Variants in DRD3 observed in about 807,000 individuals in gnomAD.
DRD3 encodes dopamine receptor D3, also known as D(3) dopamine receptor.
Under a neutral mutation model 36.3 loss-of-function variants are expected in DRD3, and 19 were observed. The ratio of observed to expected loss-of-function variants is 0.52; its 90% CI spans 0.36 to 0.77. The LOEUF is 0.77. Ranked by LOEUF, DRD3 falls within the 30% of genes least tolerant of loss-of-function variation. DRD3 has a pLI of 0.00. For synonymous variants in DRD3, 195 were observed against 203.7 expected, an observed-to-expected ratio of 0.96 and a Z score of 0.36; for missense variants, 465 against 505.3, an observed-to-expected ratio of 0.92 and a Z score of 0.77.
At chr3:114,141,771 G>A (rs904905108) in intron 4 of DRD3, among the ~76,000 whole-genome samples, 1 of 152,140 alleles carries the variant, frequency 6.6e-6, no homozygotes, top group East Asian at 1.9e-4. Flanking sequence ...GCTTATAGGG[G>A]CCAGGCATGG....
At chr3:114,156,753 TTCTTTCTTTCTTTC>T (rs1559990953) in intron 3 of DRD3, among the ~76,000 whole-genome samples, 17 of 99,376 alleles carry the variant, frequency 1.7e-4, no homozygotes, top group Non-Finnish European at 2.4e-4. Context: ...TTTTCTTTCT[TTCTTTCTTTCTTTC>T]TTTCTTTCTT....
At chr3:114,141,745 C>A (rs902221705) in intron 4 of DRD3, among the ~76,000 whole-genome samples, 9 of 152,080 alleles carry the variant, frequency 5.9e-5, no homozygotes, top group African/African-American at 2.2e-4. Context: ...CCTATGTCAT[C>A]ATCCTTTAGA....
intron 1 of DRD3, among the ~76,000 whole-genome samples, chr3:114,188,024 C>T (rs1021062429): frequency 6.6e-6 from 1 of 152,042 alleles, no homozygotes. Flanking sequence ...AGCATCTCCC[C>T]TCTCCATATA....
intron 5 of DRD3, among the ~76,000 whole-genome samples, chr3:114,138,014 A>G: frequency 6.9e-6 from 1 of 145,624 alleles, no homozygotes; most frequent in African/African-American, 2.7e-5. Context: ...AAAAAAAAAA[A>G]AAAAATTAGC....
intron 5 of DRD3, among the ~76,000 whole-genome samples, chr3:114,134,604 G>A (rs1277397854): frequency 1.3e-5 from 2 of 151,634 alleles, no homozygotes; most frequent in Admixed American, 1.3e-4. Context: ...ATTTTTAATA[G>A]TGATGGGGTT....
At chr3:114,174,211 A>G (rs1045377236) in intron 1 of DRD3, among the ~76,000 whole-genome samples, 1 of 152,234 alleles carries the variant, frequency 6.6e-6, no homozygotes, top group Non-Finnish European at 1.5e-5. Context: ...TTGGAAAAAT[A>G]CAATGCTTTC....
At chr3:114,130,807 C>CTAAT in intron 6 of DRD3, among the ~76,000 whole-genome samples, 4 of 152,128 alleles carry the variant, frequency 2.6e-5, no homozygotes, top group African/African-American at 9.7e-5. Flanking sequence ...AATAACTAAG[C>CTAAT]ATTTGTTAAA....
intron 3 of DRD3, among the ~76,000 whole-genome samples, chr3:114,148,747 C>T (rs190762926): frequency 1.7e-3 from 255 of 152,296 alleles, no homozygotes; most frequent in African/African-American, 5.8e-3. Flanking sequence ...GAATCTCAGT[C>T]TGTCGCCCAG....
chr3:114,139,371 G>T (rs2077503263), intron 5 of DRD3, 129 bp downstream of exon 5: 1 of 906,004 alleles, frequency 1.1e-6, no homozygotes, highest in Non-Finnish European at 1.7e-6. Context: ...AAAATTAGCA[G>T]ATTCCAAAGT....
At chr3:114,155,835 A>T (rs1288861930) in intron 3 of DRD3, among the ~76,000 whole-genome samples, 3 of 151,708 alleles carry the variant, frequency 2.0e-5, no homozygotes, top group Non-Finnish European at 4.4e-5. Flanking sequence ...CACAAAGCGA[A>T]CCCTCTCCCA....
chr3:114,192,615 G>T (rs536244979), intron 1 of DRD3, among the ~76,000 whole-genome samples: 47 of 152,170 alleles, frequency 3.1e-4, no homozygotes, highest in African/African-American at 1.1e-3. Flanking sequence ...GCCTTCAATA[G>T]CTCATACAAC....
At chr3:114,181,619 T>G (rs2077948050), upstream of DRD3, among the ~76,000 whole-genome samples, 2 of 152,176 alleles carry the variant, frequency 1.3e-5, no homozygotes, top group Admixed American at 6.5e-5. Flanking sequence ...AAACTCCATC[T>G]CAATAGCATG....
At chr3:114,169,415 A>G (rs1360728653) in intron 2 of DRD3, among the ~76,000 whole-genome samples, 2 of 150,656 alleles carry the variant, frequency 1.3e-5, no homozygotes, top group Non-Finnish European at 3.0e-5. Flanking sequence ...CAGTGAGGAG[A>G]CGTCTCTGCT....
chr3:114,155,212 A>G (rs2077654447), intron 3 of DRD3, among the ~76,000 whole-genome samples: 1 of 152,194 alleles, frequency 6.6e-6, no homozygotes, highest in Admixed American at 6.5e-5. Context: ...TTGACCAGCT[A>G]TTTGTCATCA....
At position 114,131,289 on chromosome 3, in the gene DRD3, C is replaced by T; in HGVS notation, c.835G>A (p.Glu279Lys). The T allele has an allele frequency of 6.2e-7, 1 of 1,614,222 alleles. No individual in the cohort carries two copies. Among genetic ancestry groups the T allele is most frequent in the Non-Finnish European group, 8.5e-7 (1 of 1,180,046 alleles). Residue 279 changes from glutamate (E) to lysine (K), a missense_variant, in exon 6 of 7, where the codon GAG becomes AAG. Coordinates refer to ENST00000383673, the MANE Select transcript of DRD3 (RefSeq NM_000796.6). ...CTCAGGGAATTCCGAGTCTTCTCCTCTCTTTTCAACTCTCCTCCTCTTTCT... is the reference window on the plus strand; with the variant it reads ...CTCAGGGAATTCCGAGTCTTCTCCTTTCTTTTCAACTCTCCTCCTCTTTCT... ...FQERGGELKR[E>K]EKTRNSLSPT...
intron 6 of DRD3, among the ~76,000 whole-genome samples, chr3:114,130,686 G>A (rs1335969336): frequency 6.6e-6 from 1 of 152,044 alleles, no homozygotes; most frequent in East Asian, 1.9e-4. Context: ...GCCTCCCAAA[G>A]TGCTGGAATT....
chr3:114,161,634 G>A (rs1210103243), intron 2 of DRD3, among the ~76,000 whole-genome samples: 1 of 152,150 alleles, frequency 6.6e-6, no homozygotes, highest in East Asian at 1.9e-4. Context: ...CTCTCTTTTA[G>A]TTTGACCAAT....
chr3:114,132,756 A>G (rs544130147), intron 5 of DRD3, among the ~76,000 whole-genome samples: 1 of 152,286 alleles, frequency 6.6e-6, no homozygotes, highest in South Asian at 2.1e-4. Context: ...GAAACTCCAC[A>G]AGACAAATGA....
intron 3 of DRD3, among the ~76,000 whole-genome samples, chr3:114,154,156 A>G (rs2077643598): frequency 6.6e-6 from 1 of 152,212 alleles, no homozygotes; most frequent in Non-Finnish European, 1.5e-5. Flanking sequence ...ATTTCCACTT[A>G]AATGAGATAA....
Sources: allele counts gnomAD v4.1 joint callset (sites outside exome capture counted in the v4.1 genomes callset), GRCh38; gene constraint gnomAD v4.1.1; transcripts MANE v1.5; gene names NCBI Gene and HGNC (gene_info 2026-07-23, HGNC 2026-07-21).